Variants in CTNNA3 observed in about 807,000 individuals in gnomAD.
CTNNA3 encodes the protein catenin alpha 3.
Under a neutral mutation model 95.7 loss-of-function variants are expected in CTNNA3, and 76 were observed. That is an observed-to-expected ratio of 0.79 (90% CI 0.66 to 0.96). The LOEUF (loss-of-function observed/expected upper bound fraction) is 0.96. Ranked by LOEUF, CTNNA3 falls within the 40% of genes least tolerant of loss-of-function variation. CTNNA3 has a pLI of 0.00. For missense variants in CTNNA3, 1,191 were observed against 1,089.8 expected, an observed-to-expected ratio of 1.09 and a Z score of -1.31; for synonymous variants, 431 against 374.4, an observed-to-expected ratio of 1.15 and a Z score of -1.74.
At chr10:66,546,771 G>C (rs556215598) in intron 10 of CTNNA3, among the ~76,000 whole-genome samples, 1 of 152,142 alleles carries the variant, frequency 6.6e-6, no homozygotes, top group African/African-American at 2.4e-5. Flanking sequence ...CTCTTGACAC[G>C]TGGAAATTAT....
chr10:67,421,741 C>G (rs1845755572), intron 5 of CTNNA3, among the ~76,000 whole-genome samples: 1 of 152,022 alleles, frequency 6.6e-6, no homozygotes, highest in African/African-American at 2.4e-5. Flanking sequence ...TTTTCTGATA[C>G]AGATATTTTC....
At chr10:66,358,185 T>A (rs10740240) in intron 12 of CTNNA3, among the ~76,000 whole-genome samples, 2 of 152,060 alleles carry the variant, frequency 1.3e-5, no homozygotes, top group Non-Finnish European at 2.9e-5. Flanking sequence ...AAAGTGGACT[T>A]CATTTTCAAA....
chr10:67,669,474 A>G (rs1840391969), intron 1 of CTNNA3, among the ~76,000 whole-genome samples: 1 of 152,216 alleles, frequency 6.6e-6, no homozygotes, highest in South Asian at 2.1e-4. Context: ...AAGAAATGTC[A>G]TAATAAGAAT....
chr10:65,978,141 T>C (rs547854867), intron 16 of CTNNA3, among the ~76,000 whole-genome samples: 2 of 152,204 alleles, frequency 1.3e-5, no homozygotes, highest in African/African-American at 2.4e-5. Flanking sequence ...CCATGTCTCC[T>C]TTTTTGTTTA....
chr10:67,638,571 G>A (rs548198239), intron 2 of CTNNA3, among the ~76,000 whole-genome samples: 32 of 152,114 alleles, frequency 2.1e-4, no homozygotes, highest in East Asian at 5.8e-4. Context: ...TCTCAGCACC[G>A]CACTGCACTT....
At chr10:67,496,636 G>T (rs1359106765) in intron 5 of CTNNA3, among the ~76,000 whole-genome samples, 1 of 152,094 alleles carries the variant, frequency 6.6e-6, no homozygotes, top group Non-Finnish European at 1.5e-5. Flanking sequence ...AATTTTGAGA[G>T]CATGGTTATC....
intron 11 of CTNNA3, among the ~76,000 whole-genome samples, chr10:66,466,136 C>A (rs992302802): frequency 7.9e-5 from 12 of 151,920 alleles, no homozygotes; most frequent in Non-Finnish European, 1.5e-4. Context: ...TGACTGACAT[C>A]CCCAAGGAAG....
intron 10 of CTNNA3, among the ~76,000 whole-genome samples, chr10:66,573,352 G>C (rs1347960769): frequency 6.6e-6 from 1 of 152,152 alleles, no homozygotes; most frequent in Non-Finnish European, 1.5e-5. Flanking sequence ...TATGAATGAT[G>C]TGATTGACTA....
At chr10:66,355,044 C>G (rs2092598290) in intron 12 of CTNNA3, among the ~76,000 whole-genome samples, 1 of 152,056 alleles carries the variant, frequency 6.6e-6, no homozygotes, top group Admixed American at 6.5e-5. Flanking sequence ...ACAGGCCAGG[C>G]AGGAATACAC....
intron 7 of CTNNA3, among the ~76,000 whole-genome samples, chr10:66,850,211 C>T (rs1253398087): frequency 4.6e-5 from 7 of 152,080 alleles, no homozygotes; most frequent in African/African-American, 7.2e-5. Context: ...AGATCCTCTC[C>T]TGTTTCCCTG....
intron 10 of CTNNA3, among the ~76,000 whole-genome samples, chr10:66,574,875 C>T (rs796828905): frequency 7.2e-5 from 11 of 152,224 alleles, no homozygotes; most frequent in African/African-American, 1.4e-4. Flanking sequence ...TCTATATTAA[C>T]TGCATCCATT....
rs538446617 is a variant in CTNNA3 at position 66,691,342 on chromosome 10, G to T, written c.1282-69558C>A. On this transcript the variant is annotated intron_variant, in intron 9 of 17. Coordinates refer to ENST00000433211, the MANE Select transcript of CTNNA3 (RefSeq NM_013266.4). Reference sequence around the variant, plus strand: ...TGGCTTGCAGGGTCCTACGCCCATGGAGTCTCACTCATTGCTGGCACAGCA... The same window carrying T: ...TGGCTTGCAGGGTCCTACGCCCATGTAGTCTCACTCATTGCTGGCACAGCA... Among the ~76,000 whole-genome samples, 60 of 152,280 alleles carry T rather than the reference G, an allele frequency of 3.9e-4. No homozygotes were observed. The South Asian group carries it at 9.1e-3, about 23-fold the overall frequency.
intron 13 of CTNNA3, among the ~76,000 whole-genome samples, chr10:66,184,630 C>T (rs1040774482): frequency 6.6e-6 from 1 of 152,128 alleles, no homozygotes; most frequent in Non-Finnish European, 1.5e-5. Context: ...TTCCTGGACT[C>T]TATTATTTCA....
chr10:67,676,540 C>A (rs1280092101), intron 1 of CTNNA3, among the ~76,000 whole-genome samples: 1 of 152,078 alleles, frequency 6.6e-6, no homozygotes, highest in Non-Finnish European at 1.5e-5. Flanking sequence ...TCTTGTCTCT[C>A]AAATTGTTCA....
chr10:66,331,898 G>A (rs1005235471), intron 12 of CTNNA3, among the ~76,000 whole-genome samples: 44 of 151,966 alleles, frequency 2.9e-4, no homozygotes, highest in Non-Finnish European at 5.6e-4. Flanking sequence ...TGGGCAGCAT[G>A]GCCATTTTCA....
intron 9 of CTNNA3, among the ~76,000 whole-genome samples, chr10:66,745,554 A>G (rs886121920): frequency 6.7e-6 from 1 of 150,292 alleles, no homozygotes; most frequent in Non-Finnish European, 1.5e-5. Flanking sequence ...TGTCCCATAC[A>G]TGGAGGATCT....
chr10:67,681,883 C>T (rs751345067), intron 1 of CTNNA3, among the ~76,000 whole-genome samples: 36 of 152,146 alleles, frequency 2.4e-4, no homozygotes, highest in Middle Eastern at 3.4e-3. Context: ...CTCAGCCAGG[C>T]GTGGTGGCTC....
chr10:66,192,995 T>A (rs2086761772), intron 13 of CTNNA3, among the ~76,000 whole-genome samples: 2 of 152,148 alleles, frequency 1.3e-5, no homozygotes, highest in Non-Finnish European at 2.9e-5. Flanking sequence ...AGGGCCTTAA[T>A]AATTTTGGAA....
At chr10:66,527,607 A>G (rs1409288241) in intron 10 of CTNNA3, among the ~76,000 whole-genome samples, 1 of 152,074 alleles carries the variant, frequency 6.6e-6, no homozygotes, top group African/African-American at 2.4e-5. Flanking sequence ...TGTAGTTTTC[A>G]GCAAAAACTA....
Sources: gnomAD v4.1 joint callset for allele counts (sites outside exome capture counted in the v4.1 genomes callset) on GRCh38, gnomAD v4.1.1 for gene constraint, MANE v1.5 for transcripts, NCBI Gene and HGNC (gene_info 2026-07-23, HGNC 2026-07-21) for gene names.